The following HPS5 variants were observed in gnomAD, a reference collection of about 807,000 sequenced individuals.
HPS5 encodes the protein HPS5 biogenesis of lysosomal organelles complex 2 subunit 2, also known as BLOC-2 complex member HPS5.
A neutral mutation model predicts 128.0 loss-of-function variants in HPS5; 83 were observed. The ratio of observed to expected loss-of-function variants is 0.65; its 90% confidence interval spans 0.54 to 0.78. The LOEUF (loss-of-function observed/expected upper bound fraction) is 0.78. HPS5 is among the 30% of genes least tolerant of loss of function. The pLI, the probability that HPS5 is intolerant of heterozygous loss-of-function variation, is 0.00. For missense variants in HPS5, 1,281 were observed against 1,326.2 expected, an observed-to-expected ratio of 0.97 and a Z score of 0.53; for synonymous variants, 475 against 470.2, an observed-to-expected ratio of 1.01 and a Z score of -0.13.
intron 8 of HPS5, among the ~76,000 whole-genome samples, chr11:18,302,792 C>T (rs1861845832): frequency 8.6e-6 from 1 of 116,732 alleles, no homozygotes; most frequent in Non-Finnish European, 1.6e-5. Flanking sequence ...ATTGAGAAGG[C>T]TGCCTTCAAG....
intron 22 of HPS5, chr11:18,280,660 G>C (rs1373394729): frequency 1.5e-6 from 1 of 671,830 alleles, no homozygotes; most frequent in Admixed American, 2.3e-5. Context: ...CAGATGAATG[G>C]ATAAACAAAA....
chr11:18,309,567 T>C (rs1862736952), intron 5 of HPS5, among the ~76,000 whole-genome samples: 1 of 152,124 alleles, frequency 6.6e-6, no homozygotes, highest in Non-Finnish European at 1.5e-5. Context: ...ATAGCACTTC[T>C]CCCTTTTAGA....
chr11:18,296,720 A>C, intron 12 of HPS5, 78 bp downstream of exon 12: 1 of 1,301,652 alleles, frequency 7.7e-7, no homozygotes, highest in Non-Finnish European at 1.1e-6. Flanking sequence ...AATTCCGTGC[A>C]CAAGATAATC....
At position 18,291,843 on chromosome 11, in the gene HPS5, T is replaced by C; in HGVS notation, c.2039A>G (p.Lys680Arg). 2 of 1,611,364 alleles carry C rather than the reference T, an allele frequency of 1.2e-6. No homozygotes were observed. Among genetic ancestry groups the C allele is most frequent in the African/African-American group, 1.3e-5 (1 of 74,762 alleles). The change falls in exon 16 of 23, where the codon AAA (lysine) becomes AGA (arginine). Residue 680 changes from lysine to arginine, a missense_variant. Coordinates refer to ENST00000349215, the MANE Select transcript of HPS5 (RefSeq NM_181507.2). ...ATTATCTTCATCTAATATTCCCTTT[T>C]TTGATTCATTAACTAATAGCACATC... The part of the protein sequence containing the change: ...NQDVLLVNES[K>R]KGILDEDNEK...
intron 8 of HPS5, among the ~76,000 whole-genome samples, chr11:18,303,185 T>C (rs144974816): frequency 1.3e-5 from 2 of 152,252 alleles, no homozygotes; most frequent in East Asian, 3.9e-4. Context: ...CAAACAGGAA[T>C]GAAAAGAAGC....
At position 18,286,630 on chromosome 11, in the gene HPS5, G is replaced by T. The variant is rs776354283; in HGVS notation, c.2798C>A (p.Pro933Gln). Residue 933 changes from proline to glutamine, a missense_variant, in exon 19 of 23, where the codon CCA becomes CAA. Physicochemically the swap from Pro to Gln is moderately conservative, Grantham distance 76. Transcript: ENST00000349215. ...ATCATCCATTGTGCTGGTGCTTGGTGGAGCATCAAGGGACACTGCCAAAAG... is the reference window on the plus strand; with the variant it reads ...ATCATCCATTGTGCTGGTGCTTGGTTGAGCATCAAGGGACACTGCCAAAAG... ...WLLLAVSLDA[P>Q]PSTSTMDDEG... 6.2e-7 allele frequency: 1 copy of T among 1,614,100 alleles called. No homozygotes were observed. The highest frequency in any genetic ancestry group is 8.5e-7 in the Non-Finnish European group (1 of 1,180,008).
At chr11:18,282,953 T>C (rs746933253) in intron 21 of HPS5, among the ~76,000 whole-genome samples, 3 of 152,162 alleles carry the variant, frequency 2.0e-5, no homozygotes, top group Non-Finnish European at 4.4e-5. Context: ...AAAGGAAACA[T>C]GGAAGACAAT....
Position 18,292,896 on chromosome 11 carries a change from C to CA in HPS5, c.1862+2dup, listed in dbSNP as rs780753639. 1.2e-6 allele frequency: 2 copies of CA among 1,609,502 alleles called. No individual in the cohort carries two copies. The highest frequency in any genetic ancestry group is 1.7e-6 in the Non-Finnish European group (2 of 1,175,740). Reference sequence around the variant, plus strand: ...CACTATAAAAGTTTCTCATTATACTCACATTGCTTCTGCTGTTGCTACTTT... The same window carrying CA: ...CACTATAAAAGTTTCTCATTATACTCAACATTGCTTCTGCTGTTGCTACTTT... On this transcript the variant is annotated splice_region_variant and intron_variant, in intron 15 of 22. Transcript: ENST00000349215.
chr11:18,305,732 CTTTT>C (rs11345742), intron 7 of HPS5, among the ~76,000 whole-genome samples: 3 of 119,920 alleles, frequency 2.5e-5, no homozygotes, highest in African/African-American at 6.3e-5. Context: ...AGAATAAAAT[CTTTT>C]TTTTTTTTTT....
At chr11:18,294,199 T>TAGGAC (rs1331418938) in intron 14 of HPS5, among the ~76,000 whole-genome samples, 1 of 152,210 alleles carries the variant, frequency 6.6e-6, no homozygotes, top group Non-Finnish European at 1.5e-5. Flanking sequence ...AGGTACCTGA[T>TAGGAC]AGGACATCAA....
chr11:18,320,781 G>C (rs945599996), intron 1 of HPS5, among the ~76,000 whole-genome samples: 1 of 152,138 alleles, frequency 6.6e-6, no homozygotes, highest in Non-Finnish European at 1.5e-5. Context: ...CCAGAATAGA[G>C]TAGAAACACT....
chr11:18,300,939 A>T, intron 8 of HPS5, 23 bp from the exon 9 acceptor site: 1 of 1,366,852 alleles, frequency 7.3e-7, no homozygotes, highest in Non-Finnish European at 1.0e-6. Context: ...AAGTGAAGAG[A>T]ATTCAAGTGT....
chr11:18,286,995 CA>C, intron 18 of HPS5: 2 of 597,006 alleles, frequency 3.4e-6, no homozygotes, highest in Non-Finnish European at 2.9e-6. Context: ...TCACTGAGGC[CA>C]TAAGTTTGAG....
At chr11:18,284,391 T>C (rs1859418169) in intron 20 of HPS5, among the ~76,000 whole-genome samples, 1 of 152,228 alleles carries the variant, frequency 6.6e-6, no homozygotes, top group South Asian at 2.1e-4. Context: ...TCCTTTGAAA[T>C]GCCCACTGGA....
chr11:18,296,054 G>T lies in HPS5; in HGVS notation c.1579C>A (p.Pro527Thr). The T allele has an allele frequency of 6.2e-7, 1 of 1,613,412 alleles. No homozygotes were observed. The highest frequency in any genetic ancestry group is 1.1e-5 in the South Asian group (1 of 91,060). The change falls in exon 13 of 23, where the codon CCA becomes ACA. Residue 527 changes from proline (P) to threonine (T), a missense_variant. Pro to Thr is a conservative substitution (Grantham distance 38). Coordinates refer to ENST00000349215, the MANE Select transcript of HPS5 (RefSeq NM_181507.2). The stretch of plus-strand genomic sequence containing the variant: ...GGAGATGGAGAACGAAATGGTAATG[G>T]AATGCCGAACGGGAGAAAAGTTTCA... ...KNETFLPFGI[P>T]LPFRSPSPLV...
At chr11:18,316,357 T>G (rs1378970637) in intron 2 of HPS5, among the ~76,000 whole-genome samples, 1 of 152,188 alleles carries the variant, frequency 6.6e-6, no homozygotes, top group Non-Finnish European at 1.5e-5. Context: ...CCTATTAATC[T>G]TATTTTTAGT....
chr11:18,283,715 T>C, intron 21 of HPS5, 80 bp downstream of exon 21: 1 of 896,636 alleles, frequency 1.1e-6, no homozygotes, highest in South Asian at 1.3e-5. Flanking sequence ...ATTGAAAGGT[T>C]CACCAAATTT....
At chr11:18,306,663 C>T (rs1458871998) in intron 6 of HPS5, among the ~76,000 whole-genome samples, 1 of 152,166 alleles carries the variant, frequency 6.6e-6, no homozygotes, top group Non-Finnish European at 1.5e-5. Flanking sequence ...CAAACTATTT[C>T]GTACATCCTT....
At position 18,279,937 on chromosome 11, in the gene HPS5, A is replaced by G; in HGVS notation, c.3335T>C (p.Leu1112Ser). ...LRIAEKRQRA[L>S]IQSMLEKCDR... The stretch of plus-strand genomic sequence containing the variant: ...GCATTTTTCAAGCATGCTTTGTATC[A>G]AGGCCCTGAAATCCCAAAGAAAAGA... The change falls in exon 23 of 23, where the codon TTG becomes TCG. Residue 1112 changes from leucine (L) to serine (S), a missense_variant. Physicochemically the swap from Leu to Ser is moderately radical, Grantham distance 145. Coordinates refer to ENST00000349215, the MANE Select transcript of HPS5 (RefSeq NM_181507.2). 6.2e-7 allele frequency: 1 copy of G among 1,614,110 alleles called. No individual in the cohort carries two copies. Among genetic ancestry groups the G allele is most frequent in the Non-Finnish European group, 8.5e-7 (1 of 1,179,948 alleles).
Sources: gnomAD v4.1 joint callset for allele counts (sites outside exome capture counted in the v4.1 genomes callset) on GRCh38, gnomAD v4.1.1 for gene constraint, MANE v1.5 for transcripts, NCBI Gene and HGNC (gene_info 2026-07-23, HGNC 2026-07-21) for gene names.